BTG4: variants seen among roughly 807,000 people sequenced by gnomAD.
The protein encoded by BTG4 is BTG anti-proliferation factor 4, also known as protein BTG4.
Under a neutral mutation model 19.3 loss-of-function variants are expected in BTG4, and 10 were observed. The ratio of observed to expected loss-of-function variants is 0.52; its 90% confidence interval spans 0.32 to 0.88. BTG4 has a LOEUF of 0.88. Among genes scored for constraint, BTG4 ranks in the 40% least tolerant of loss-of-function variants. The pLI is 0.04. For synonymous variants in BTG4, 91 were observed against 95.7 expected (o/e 0.95, Z 0.29); for missense variants, 238 against 281.9 (o/e 0.84, Z 1.11).
At chr11:111,424,316 C>T in the BTG4 span, among the ~76,000 whole-genome samples, 1 of 152,174 alleles carries the variant, frequency 6.6e-6, no homozygotes, top group Non-Finnish European at 1.5e-5. Context: ...AGCTGGATGA[C>T]TTACAAAATG....
At chr11:111,412,732 A>T in the BTG4 span, among the ~76,000 whole-genome samples, 2 of 152,258 alleles carry the variant, frequency 1.3e-5, no homozygotes, top group African/African-American at 4.8e-5. Context: ...GACCAAGATC[A>T]CTCAGCTAGC....
the BTG4 span, among the ~76,000 whole-genome samples, chr11:111,426,496 G>A: frequency 6.6e-6 from 1 of 152,182 alleles, no homozygotes; most frequent in Non-Finnish European, 1.5e-5. Context: ...AAAGGGGTTT[G>A]CATTGTAGCG....
At chr11:111,482,551 A>C (rs576793442) in intron 5 of BTG4, among the ~76,000 whole-genome samples, 1 of 152,294 alleles carries the variant, frequency 6.6e-6, no homozygotes, top group African/African-American at 2.4e-5. Context: ...TTCAAGATTT[A>C]CACAGCTACA....
At chr11:111,505,748 C>T (rs983090010) in intron 1 of BTG4, among the ~76,000 whole-genome samples, 1 of 151,912 alleles carries the variant, frequency 6.6e-6, no homozygotes, top group Non-Finnish European at 1.5e-5. Context: ...AATTAGTATT[C>T]AGAATCTACA....
At chr11:111,493,474 T>A (rs749739856), downstream of BTG4, among the ~76,000 whole-genome samples, 7 of 152,194 alleles carry the variant, frequency 4.6e-5, no homozygotes, top group Non-Finnish European at 8.8e-5. Flanking sequence ...TACATTCACA[T>A]ACATGCCAGC....
chr11:111,477,795 A>G (rs1383812530), intron 5 of BTG4, among the ~76,000 whole-genome samples: 2 of 152,170 alleles, frequency 1.3e-5, no homozygotes, highest in Non-Finnish European at 2.9e-5. Flanking sequence ...AAGGACCAGG[A>G]AAGGGACAGC....
At position 111,483,600 on chromosome 11, in the gene BTG4, T is replaced by C. The variant is rs528829504; in HGVS notation, c.662+11563A>G. 1.1e-3 allele frequency among the ~76,000 whole-genome samples: 161 copies of C among 152,062 alleles called. 1 individual carries two copies. The highest frequency in any genetic ancestry group is 1.9e-3 in the Non-Finnish European group (129 of 67,974). ...AAAATTCAACTGATAAACTGAAAAA[T>C]GCATCAGAATCAACAGCAAATTGAC... On this transcript the variant is annotated intron_variant, in intron 5 of 5. Transcript: ENST00000356018.
chr11:111,433,644 CA>C, the BTG4 span, among the ~76,000 whole-genome samples: 1 of 152,122 alleles, frequency 6.6e-6, no homozygotes, highest in African/African-American at 2.4e-5. Context: ...AAAATTTTTG[CA>C]ATCTATCCAT....
chr11:111,454,143 A>G, the BTG4 span: 618 of 376,582 alleles, frequency 1.6e-3, 4 homozygotes, highest in South Asian at 2.8e-3. Flanking sequence ...TGGACTGTTG[A>G]GGCTCTATAG....
intron 5 of BTG4, chr11:111,469,060 A>T (rs1863895817): frequency 6.6e-6 from 1 of 152,196 alleles, no homozygotes; most frequent in South Asian, 2.1e-4. Context: ...GGTCATCTGA[A>T]TCTTCCCTTC....
At chr11:111,466,989 G>C (rs926452119), downstream of BTG4, 1 of 152,598 alleles carries the variant, frequency 6.6e-6, no homozygotes, top group African/African-American at 2.4e-5. Flanking sequence ...ATATTCCCTA[G>C]GATTAAGCAC....
At chr11:111,498,948 GT>G in intron 1 of BTG4, 146 bp from the exon 2 acceptor site, 1 of 547,036 alleles carries the variant, frequency 1.8e-6, no homozygotes, top group East Asian at 3.2e-5. Context: ...AACTAGGTAA[GT>G]ACATGAACAC....
chr11:111,387,280 C>T, the BTG4 span, among the ~76,000 whole-genome samples: 2 of 152,196 alleles, frequency 1.3e-5, no homozygotes, highest in African/African-American at 4.8e-5. Context: ...AACCACCTCT[C>T]ATCTTCTCAA....
At chr11:111,411,931 AC>A in the BTG4 span, among the ~76,000 whole-genome samples, 1 of 152,160 alleles carries the variant, frequency 6.6e-6, no homozygotes, top group Non-Finnish European at 1.5e-5. Context: ...ATACATGAGA[AC>A]CCCAGAAGGT....
At chr11:111,456,980 C>G in the BTG4 span, 1 of 164,140 alleles carries the variant, frequency 6.1e-6, no homozygotes, top group African/African-American at 2.4e-5. The surrounding 1 kb of genome is among the most constrained non-coding windows in gnomAD (Gnocchi z 4.2). Context: ...GAGGCAGGTC[C>G]CAAGGCCCCT....
chr11:111,473,067 C>T (rs1189117319), intron 5 of BTG4, among the ~76,000 whole-genome samples: 1 of 150,566 alleles, frequency 6.6e-6, no homozygotes. Flanking sequence ...ATGAGGAAAC[C>T]GAGGCCTAGA....
At chr11:111,439,414 C>G in the BTG4 span, among the ~76,000 whole-genome samples, 1 of 152,224 alleles carries the variant, frequency 6.6e-6, no homozygotes, top group African/African-American at 2.4e-5. Flanking sequence ...GAGCCCAGCA[C>G]AGCCGCAGAT....
chr11:111,415,328 T>C, the BTG4 span, among the ~76,000 whole-genome samples: 1 of 152,214 alleles, frequency 6.6e-6, no homozygotes, highest in Admixed American at 6.5e-5. Flanking sequence ...CCCCCTTATA[T>C]TGTAAACTGG....
the BTG4 span, among the ~76,000 whole-genome samples, chr11:111,390,497 A>T: frequency 6.6e-6 from 1 of 152,320 alleles, no homozygotes; most frequent in East Asian, 1.9e-4. Flanking sequence ...ATTTCTAAAA[A>T]CCCAGCTAAG....
Sources: allele counts gnomAD v4.1 joint callset (sites outside exome capture counted in the v4.1 genomes callset), GRCh38; gene constraint gnomAD v4.1.1; non-coding constraint Gnocchi (gnomAD v3.1); transcripts MANE v1.5; gene names NCBI Gene and HGNC (gene_info 2026-07-23, HGNC 2026-07-21).